KCNB2: variants seen among roughly 807,000 people sequenced by gnomAD.
KCNB2 encodes the protein delayed rectifier potassium channel protein.
A neutral mutation model predicts 61.5 loss-of-function variants in KCNB2; 15 were observed. The observed-to-expected ratio is 0.24, with a 90% CI of 0.16 to 0.38. The LOEUF (loss-of-function observed/expected upper bound fraction) is 0.38. KCNB2 is among the 10% of genes least tolerant of loss of function. KCNB2 has a pLI of 1.00. For missense variants in KCNB2, 828 were observed against 1,125.2 expected (o/e 0.74, Z 3.78); for synonymous variants, 457 against 446.0 (o/e 1.02, Z -0.31).
At chr8:72,928,191 CTTTT>C (rs879676235) in intron 2 of KCNB2, among the ~76,000 whole-genome samples, 2 of 134,902 alleles carry the variant, frequency 1.5e-5, no homozygotes, top group Non-Finnish European at 3.2e-5. Flanking sequence ...CACTTTCTTT[CTTTT>C]TTTTTTTTTT....
At chr8:72,783,452 C>T (rs1040327872) in intron 2 of KCNB2, among the ~76,000 whole-genome samples, 1 of 152,130 alleles carries the variant, frequency 6.6e-6, no homozygotes, top group East Asian at 1.9e-4. Context: ...ATGCAGGTTT[C>T]TCTTATCTCA....
In KCNB2 at chr8:72,592,453, CTG is replaced by C. The variant is rs10676983; in HGVS notation, c.579+24164_579+24165del. Among the ~76,000 whole-genome samples the C allele has an allele frequency of 1.1e-3, 165 of 149,614 alleles. 1 individual carries two copies. Among genetic ancestry groups the C allele is most frequent in the African/African-American group, 3.2e-3 (132 of 40,686 alleles). ...ATTTAAGGGGTTAGAATTATCAACT[CTG>C]TGTGTGTGTGTGTGTGTGTGTGTAA... On this transcript the variant is annotated intron_variant, in intron 2 of 2. Transcript: ENST00000523207.
intron 2 of KCNB2, among the ~76,000 whole-genome samples, chr8:72,690,061 T>G (rs1806916356): frequency 6.6e-6 from 1 of 152,092 alleles, no homozygotes; most frequent in Admixed American, 6.6e-5. Context: ...ATCAAACTTC[T>G]TAACAATTTA....
intron 2 of KCNB2, among the ~76,000 whole-genome samples, chr8:72,603,797 C>T (rs1348327287): frequency 6.6e-6 from 1 of 152,064 alleles, no homozygotes; most frequent in Non-Finnish European, 1.5e-5. Flanking sequence ...TTGCTCGTAT[C>T]CTTATAAGAA....
At chr8:72,883,981 C>G (rs1805760861) in intron 2 of KCNB2, among the ~76,000 whole-genome samples, 1 of 152,292 alleles carries the variant, frequency 6.6e-6, no homozygotes, top group South Asian at 2.1e-4. Flanking sequence ...ACTTTTTTAC[C>G]TTTATTTTGT....
chr8:72,579,713 A>G (rs953292037), intron 2 of KCNB2, among the ~76,000 whole-genome samples: 2 of 152,242 alleles, frequency 1.3e-5, no homozygotes, highest in African/African-American at 4.8e-5. Flanking sequence ...TACCTAATAC[A>G]GTAACAGATG....
At chr8:72,664,538 T>A (rs531997623) in intron 2 of KCNB2, among the ~76,000 whole-genome samples, 1 of 152,346 alleles carries the variant, frequency 6.6e-6, no homozygotes, top group Non-Finnish European at 1.5e-5. Context: ...CCTTTTATGT[T>A]ACAGAGACTG....
intron 2 of KCNB2, among the ~76,000 whole-genome samples, chr8:72,582,281 G>C (rs1806913424): frequency 6.6e-6 from 1 of 152,222 alleles, no homozygotes; most frequent in South Asian, 2.1e-4. Flanking sequence ...GACCGCAGAA[G>C]GCATCCTGTT....
At chr8:72,672,808 G>A (rs1806587501) in intron 2 of KCNB2, among the ~76,000 whole-genome samples, 1 of 152,076 alleles carries the variant, frequency 6.6e-6, no homozygotes, top group Admixed American at 6.6e-5. Flanking sequence ...ACAATTCACA[G>A]TCTTATAACT....
rs79951037 is a variant in KCNB2, at chr8:72,771,905, C to G, written c.580-164030C>G. ...TAGGAGCGGGAAATGAAGGAGATAT[C>G]CTCAGCACAGATTAGTTAGTATCAA... On this transcript the variant is annotated intron_variant, in intron 2 of 2. Coordinates refer to ENST00000523207, the MANE Select transcript of KCNB2 (RefSeq NM_004770.3). Among the ~76,000 whole-genome samples, 367 of 152,242 alleles carry G rather than the reference C, an allele frequency of 2.4e-3. 5 individuals carry two copies. In the East Asian group the frequency reaches 0.029, roughly 12 times the overall value.
chr8:72,755,330 T>C (rs958696268), intron 2 of KCNB2, among the ~76,000 whole-genome samples: 2 of 152,142 alleles, frequency 1.3e-5, no homozygotes, highest in African/African-American at 4.8e-5. Context: ...AAGTGTAGAC[T>C]TTAGTTAATA....
At chr8:72,852,764 T>A (rs1019649756) in intron 2 of KCNB2, among the ~76,000 whole-genome samples, 3 of 152,168 alleles carry the variant, frequency 2.0e-5, no homozygotes, top group Non-Finnish European at 2.9e-5. Flanking sequence ...TAATTGTCCA[T>A]CATTTTAGAA....
intron 2 of KCNB2, among the ~76,000 whole-genome samples, chr8:72,729,953 G>C (rs76594204): frequency 6.6e-6 from 1 of 151,918 alleles, no homozygotes; most frequent in Admixed American, 6.6e-5. Context: ...TGGTCTTAAT[G>C]GGGGGCAGAG....
At chr8:72,924,206 A>G (rs1806590307) in intron 2 of KCNB2, among the ~76,000 whole-genome samples, 1 of 152,184 alleles carries the variant, frequency 6.6e-6, no homozygotes, top group South Asian at 2.1e-4. Context: ...AGACCACGTC[A>G]GCATCATCTC....
chr8:72,645,633 G>A (rs908844726), intron 2 of KCNB2, among the ~76,000 whole-genome samples: 1 of 152,104 alleles, frequency 6.6e-6, no homozygotes, highest in Non-Finnish European at 1.5e-5. Context: ...CTTCAGAGGG[G>A]CACAGGACTG....
chr8:72,838,896 C>T (rs1205228694), intron 2 of KCNB2, among the ~76,000 whole-genome samples: 4 of 152,174 alleles, frequency 2.6e-5, no homozygotes, highest in Non-Finnish European at 4.4e-5. Flanking sequence ...ACAATCCTCA[C>T]TCTACTTTTT....
In KCNB2 at chr8:72,937,437, C is replaced by G. The variant is rs1806940729; in HGVS notation, c.2082C>G (p.Asp694Glu). The change falls in exon 3 of 3, where the codon GAC (aspartate) becomes GAG (glutamate). Residue 694 changes from aspartate (D) to glutamate (E), a missense_variant. Coordinates refer to ENST00000523207, the MANE Select transcript of KCNB2 (RefSeq NM_004770.3). Reference protein sequence around the residue: ...QCGLHSPLQSDNATDSPKSSL... With the variant: ...QCGLHSPLQSENATDSPKSSL... ...GGCTACATAGTCCTTTGCAGTCTGA[C>G]AATGCCACCGACAGTCCTAAGAGCT... is the stretch of plus-strand genomic sequence containing the variant. 3 of 1,613,946 alleles carry G rather than the reference C, an allele frequency of 1.9e-6. No individual in the cohort carries two copies. The highest frequency in any genetic ancestry group is 1.3e-5 in the African/African-American group (1 of 74,964).
At chr8:72,557,921 A>G (rs562460434) in intron 1 of KCNB2, among the ~76,000 whole-genome samples, 62 of 152,352 alleles carry the variant, frequency 4.1e-4, no homozygotes, top group African/African-American at 1.3e-3. Context: ...GTTGGTAAAT[A>G]AAGGTCATCA....
At chr8:72,787,207 C>A (rs1416631103) in intron 2 of KCNB2, among the ~76,000 whole-genome samples, 1 of 151,812 alleles carries the variant, frequency 6.6e-6, no homozygotes, top group East Asian at 1.9e-4. Flanking sequence ...TAAGCCTGGG[C>A]AACATAGAAA....
Sources: allele counts gnomAD v4.1 joint callset (sites outside exome capture counted in the v4.1 genomes callset), GRCh38; gene constraint gnomAD v4.1.1; transcripts MANE v1.5; gene names NCBI Gene and HGNC (gene_info 2026-07-23, HGNC 2026-07-21).